RAPGEF6: variants seen among roughly 807,000 people sequenced by gnomAD.
RAPGEF6 encodes the protein Rap guanine nucleotide exchange factor 6, also known as PDZ domain containing guanine nucleotide exchange factor (GEF) 2.
A neutral mutation model predicts 171.4 loss-of-function variants in RAPGEF6; 56 were observed. The observed-to-expected ratio is 0.33, with a 90% CI of 0.26 to 0.41. The LOEUF (loss-of-function observed/expected upper bound fraction) is 0.41, where lower values mean the gene tolerates loss of function less well. Ranked by LOEUF, RAPGEF6 falls within the 10% of genes least tolerant of loss-of-function variation. RAPGEF6 has a pLI of 1.00. For synonymous variants in RAPGEF6, 692 were observed against 650.1 expected (o/e 1.06, Z -0.98); for missense variants, 1,674 against 1,921.4 (o/e 0.87, Z 2.41).
chr5:131,615,765 G>A (rs1765226152), intron 1 of RAPGEF6, among the ~76,000 whole-genome samples: 4 of 152,138 alleles, frequency 2.6e-5, no homozygotes, highest in African/African-American at 7.2e-5. Context: ...AGCTGGGCAT[G>A]GTGGCGCACA....
chr5:131,541,310 G>GC (rs1485734904), intron 6 of RAPGEF6, among the ~76,000 whole-genome samples: 2 of 152,120 alleles, frequency 1.3e-5, no homozygotes, highest in Non-Finnish European at 2.9e-5. Context: ...GATAAAAGCA[G>GC]CAAGTGGCAA....
At chr5:131,483,249 T>C (rs1345674758) in intron 15 of RAPGEF6, among the ~76,000 whole-genome samples, 1 of 149,328 alleles carries the variant, frequency 6.7e-6, no homozygotes, top group African/African-American at 2.5e-5. Context: ...CTCCAGAGGC[T>C]GAGACAGTAG....
intron 3 of RAPGEF6, among the ~76,000 whole-genome samples, chr5:131,593,401 C>T (rs905952950): frequency 6.6e-6 from 1 of 152,002 alleles, no homozygotes; most frequent in Non-Finnish European, 1.5e-5. Flanking sequence ...ATTATATGTG[C>T]AATAATAGAA....
chr5:131,595,528 CT>C (rs1475371006), intron 3 of RAPGEF6, among the ~76,000 whole-genome samples: 2 of 152,042 alleles, frequency 1.3e-5, no homozygotes, highest in Non-Finnish European at 2.9e-5. Context: ...TAACAAGAGT[CT>C]TTATGCTAGC....
intron 1 of RAPGEF6, among the ~76,000 whole-genome samples, chr5:131,625,780 C>A (rs77880895): frequency 6.7e-6 from 1 of 150,148 alleles, no homozygotes; most frequent in African/African-American, 2.4e-5. Context: ...AGCGCCACTG[C>A]GCTCCAGCCT....
At chr5:131,520,342 G>C (rs1212596530) in intron 7 of RAPGEF6, among the ~76,000 whole-genome samples, 1 of 152,092 alleles carries the variant, frequency 6.6e-6, no homozygotes, top group Admixed American at 6.5e-5. Flanking sequence ...TCTGTTTTTT[G>C]ATGACTTAAT....
intron 14 of RAPGEF6, among the ~76,000 whole-genome samples, chr5:131,491,651 G>T (rs975770291): frequency 7.2e-5 from 11 of 152,140 alleles, no homozygotes; most frequent in Admixed American, 4.6e-4. Flanking sequence ...AATCAGCAGT[G>T]ACATTAGATT....
In RAPGEF6 at chr5:131,424,812, CG is replaced by C. The variant is rs1751322693; in HGVS notation, c.*2453del. ...CTATTTGGCAAAAGTTTGCACTGAG[CG>C]TTAACTGCTTCAACAGTCTTGGCAG... is the stretch of plus-strand genomic sequence containing the variant. On this transcript the variant is annotated 3_prime_UTR_variant, in exon 28 of 28. Transcript: ENST00000509018. The C allele has an allele frequency of 6.6e-6, 1 of 152,240 alleles. No individual in the cohort carries two copies. Among genetic ancestry groups the C allele is most frequent in the Admixed American group, 6.5e-5 (1 of 15,268 alleles). 9.4% of individuals were successfully genotyped at this position (152,240 alleles called of 1,614,324 possible). A position where few individuals can be genotyped will look rare whatever the true frequency, so the allele number is the denominator to read the frequency against.
At position 131,453,126 on chromosome 5, in the gene RAPGEF6, A is replaced by G; in HGVS notation, c.3128T>C (p.Ile1043Thr). The G allele has an allele frequency of 6.2e-7, 1 of 1,613,994 alleles. No homozygotes were observed. ...AACAACTTGGCGGATTTCCTTGGAA[A>G]TCATTCTTAACTTCTCAAAGTTTAC... ...GLVNFEKLRM[I>T]SKEIRQVVRM... The change falls in exon 21 of 28, where the codon ATT becomes ACT. Residue 1043 changes from isoleucine (I) to threonine (T), a missense_variant. Transcript: ENST00000509018.
At position 131,425,886 on chromosome 5, in the gene RAPGEF6, CTTTTTTTT is replaced by C. The variant is rs376096619; in HGVS notation, c.*1372_*1379del. The C allele has an allele frequency of 2.1e-4, 18 of 84,434 alleles. No individual in the cohort carries two copies. Among genetic ancestry groups the C allele is most frequent in the African/African-American group, 7.3e-4 (16 of 22,054 alleles). 5.2% of individuals were successfully genotyped at this position (84,434 alleles called of 1,614,324 possible). On this transcript the variant is annotated 3_prime_UTR_variant, in exon 28 of 28. Transcript: ENST00000509018. ...GGGTAGTGCACGTTAATGGCTTTGG[CTTTTTTTT>C]TTTTTTTTTTTTTGGTAATTACAGA...
chr5:131,429,279 C>A, intron 26 of RAPGEF6, 63 bp from the exon 27 acceptor site: 1 of 1,331,464 alleles, frequency 7.5e-7, no homozygotes, highest in Non-Finnish European at 1.0e-6. Context: ...AAAGAAACCA[C>A]CCCACAAACT....
rs755986682 is a variant in RAPGEF6 at position 131,479,761 on chromosome 5, A to G, written c.1841-8T>C. 1 of 1,604,036 alleles carries G rather than the reference A, an allele frequency of 6.2e-7. No individual in the cohort carries two copies. The highest frequency in any genetic ancestry group is 1.1e-5 in the South Asian group (1 of 89,208). ...AAAGTAACTCTTTGAACACTGTGGA[A>G]ATAAAACAAATGCGTCATTTTATTT... On this transcript the variant is annotated splice_polypyrimidine_tract_variant and splice_region_variant and intron_variant, in intron 15 of 27. Coordinates refer to ENST00000509018, the MANE Select transcript of RAPGEF6 (RefSeq NM_016340.6).
intron 1 of RAPGEF6, among the ~76,000 whole-genome samples, chr5:131,615,900 C>CA (rs1267748103): frequency 2.5e-4 from 38 of 149,934 alleles, no homozygotes; most frequent in African/African-American, 9.1e-4. Flanking sequence ...AACCCTGTCT[C>CA]AATTAAAAAA....
chr5:131,602,048 A>AAAC (rs1764290828), intron 3 of RAPGEF6, among the ~76,000 whole-genome samples: 1 of 151,904 alleles, frequency 6.6e-6, no homozygotes, highest in Non-Finnish European at 1.5e-5. Context: ...AAAAAAAAAA[A>AAAC]AAAATTGGTA....
At chr5:131,525,079 T>C (rs1033735172) in intron 6 of RAPGEF6, among the ~76,000 whole-genome samples, 19 of 152,186 alleles carry the variant, frequency 1.2e-4, no homozygotes, top group Non-Finnish European at 2.8e-4. Context: ...AATTATGCCA[T>C]AAATTTTTAA....
At chr5:131,450,997 T>G (rs1753028048) in intron 21 of RAPGEF6, among the ~76,000 whole-genome samples, 1 of 152,184 alleles carries the variant, frequency 6.6e-6, no homozygotes, top group Non-Finnish European at 1.5e-5. Flanking sequence ...GGAATCAGGA[T>G]GTTAACATGT....
In RAPGEF6 at chr5:131,480,501, CAG is replaced by C. The variant is rs148303246; in HGVS notation, c.1841-750_1841-749del. 3.3e-3 allele frequency among the ~76,000 whole-genome samples: 502 copies of C among 152,214 alleles called. 2 individuals are homozygous for C. The highest frequency in any genetic ancestry group is 0.012 in the African/African-American group (480 of 41,548). ...ATTGATTGATTGACTGATTTTGAGA[CAG>C]AGTCTCACTCTGTCGCCCAGGCTGG... is the stretch of plus-strand genomic sequence containing the variant. On this transcript the variant is annotated intron_variant, in intron 15 of 27. Coordinates refer to ENST00000509018, the MANE Select transcript of RAPGEF6 (RefSeq NM_016340.6).
intron 5 of RAPGEF6, among the ~76,000 whole-genome samples, chr5:131,551,896 T>G (rs1452562051): frequency 6.6e-6 from 1 of 152,014 alleles, no homozygotes; most frequent in African/African-American, 2.4e-5. Flanking sequence ...TTGTGGTATT[T>G]AAAACATTAA....
At chr5:131,464,886 AG>A (rs1335397743) in intron 17 of RAPGEF6, among the ~76,000 whole-genome samples, 1 of 152,170 alleles carries the variant, frequency 6.6e-6, no homozygotes, top group East Asian at 1.9e-4. Context: ...CTAGAGTGTA[AG>A]GGAACAAATT....
Sources: gnomAD v4.1 joint callset for allele counts (sites outside exome capture counted in the v4.1 genomes callset) on GRCh38, gnomAD v4.1.1 for gene constraint, MANE v1.5 for transcripts, NCBI Gene and HGNC (gene_info 2026-07-23, HGNC 2026-07-21) for gene names.